The following COPS2 variants were observed in gnomAD, a reference collection of about 807,000 sequenced individuals.
COPS2 encodes the protein COP9 signalosome subunit 2, also known as COP9 signalosome complex subunit 2.
A neutral mutation model predicts 66.1 loss-of-function variants in COPS2; 10 were observed. The observed-to-expected ratio is 0.15, with a 90% CI of 0.09 to 0.26. The LOEUF (loss-of-function observed/expected upper bound fraction) is 0.26, where lower values mean the gene tolerates loss of function less well. Ranked by LOEUF, COPS2 falls within the 10% of genes least tolerant of loss-of-function variation. COPS2 has a pLI of 1.00. For missense variants in COPS2, 215 were observed against 513.3 expected (o/e 0.42, Z 5.62); for synonymous variants, 179 against 171.3 (o/e 1.04, Z -0.35).
rs1391201034 is a variant in COPS2, at chr15:49,139,601, C to T, written c.299G>A (p.Arg100Gln). Residue 100 changes from arginine (R) to glutamine (Q), a missense_variant, in exon 4 of 13, where the codon CGG (arginine) becomes CAG (glutamine). This residue lies in a region of COPS2 where 90 missense variants were observed against 225.1 expected (regional missense o/e 0.40). Coordinates refer to ENST00000388901, the MANE Select transcript of COPS2 (RefSeq NM_004236.4). Reference sequence around the variant, plus strand: ...AGAATAATTTCTTGTGACTGCACTCCGAATATAGGTCAATAGCTGCTTATA... The same window carrying T: ...AGAATAATTTCTTGTGACTGCACTCTGAATATAGGTCAATAGCTGCTTATA... ...NRYKQLLTYI[R>Q]SAVTRNYSEK... 2 of 1,601,548 alleles carry T rather than the reference C, an allele frequency of 1.2e-6. No individual in the cohort carries two copies. The highest frequency in any genetic ancestry group is 1.7e-5 in the Admixed American group (1 of 59,156).
intron 9 of COPS2, 147 bp from the exon 10 acceptor site, chr15:49,130,963 G>A (rs2084203754): frequency 4.4e-6 from 2 of 454,248 alleles, no homozygotes; most frequent in African/African-American, 2.0e-5. Context: ...AGTTAAACAA[G>A]CACACATAAC....
intron 4 of COPS2, chr15:49,139,144 T>C (rs1485420420): frequency 1.3e-5 from 2 of 159,164 alleles, no homozygotes; most frequent in Non-Finnish European, 2.7e-5. Flanking sequence ...TTCTCAAAGA[T>C]TTTAATATAA....
chr15:49,155,436 C>T lies in COPS2; in HGVS notation c.54+89G>A, dbSNP rs924875221. 3 of 1,211,000 alleles carry T rather than the reference C, an allele frequency of 2.5e-6. No homozygotes were observed. In the African/African-American group the frequency reaches 4.5e-5, roughly 18 times the overall value. 75.0% of individuals were successfully genotyped at this position (1,211,000 alleles called of 1,614,324 possible). A position where few individuals can be genotyped will look rare whatever the true frequency, so the allele number is the denominator to read the frequency against. On this transcript the variant is annotated intron_variant, in intron 1 of 12. Coordinates refer to ENST00000388901, the MANE Select transcript of COPS2 (RefSeq NM_004236.4). ...TGAGAGAGGCTGTAAACGGCACATGCTCTACGGGGAGAGGCCGCGGGCGCC... is the reference window on the plus strand; with the variant it reads ...TGAGAGAGGCTGTAAACGGCACATGTTCTACGGGGAGAGGCCGCGGGCGCC...
intron 10 of COPS2, 49 bp from the exon 11 acceptor site, chr15:49,129,608 T>TCCATAAAGATATCATACAA: frequency 1.1e-6 from 1 of 921,018 alleles, no homozygotes; most frequent in Non-Finnish European, 1.6e-6. Context: ...GTTTGTATGA[T>TCCATAAAGATATCATACAA]ATCTTTATGG....
At chr15:49,153,681 T>C (rs1282216204) in intron 1 of COPS2, among the ~76,000 whole-genome samples, 1 of 152,234 alleles carries the variant, frequency 6.6e-6, no homozygotes, top group African/African-American at 2.4e-5. Flanking sequence ...AAATGTGGTA[T>C]ATATACATAA....
rs1244460926 is a variant in COPS2 at position 49,145,169 on chromosome 15, A to C, written c.55-91T>G. On this transcript the variant is annotated intron_variant, in intron 1 of 12. Coordinates refer to ENST00000388901, the MANE Select transcript of COPS2 (RefSeq NM_004236.4). ...AAGTGAATGCTGTTAAGACAGAAAA[A>C]CCACATATTTTTACAAAACAAAACA... is the stretch of plus-strand genomic sequence containing the variant. 1.8e-5 allele frequency: 11 copies of C among 627,406 alleles called. No homozygotes were observed. The African/African-American group carries it at 1.9e-4, about 11-fold the overall frequency. 38.9% of individuals were successfully genotyped at this position (627,406 alleles called of 1,614,324 possible). A position where few individuals can be genotyped will look rare whatever the true frequency, so the allele number is the denominator to read the frequency against.
rs1417487906 is a variant in COPS2, at chr15:49,123,607, G to GAGCAA, written c.*4338_*4342dup. 6.6e-6 allele frequency: 1 copy of GAGCAA among 152,132 alleles called. No individual in the cohort carries two copies. The highest frequency in any genetic ancestry group is 1.5e-5 in the Non-Finnish European group (1 of 68,018). 9.4% of individuals were successfully genotyped at this position (152,132 alleles called of 1,614,324 possible). A position where few individuals can be genotyped will look rare whatever the true frequency, so the allele number is the denominator to read the frequency against. On this transcript the variant is annotated 3_prime_UTR_variant, in exon 13 of 13. Coordinates refer to ENST00000388901, the MANE Select transcript of COPS2 (RefSeq NM_004236.4). ...GGTCAGCTATTCATGTGGAAATTCT[G>GAGCAA]AGCAAAGTTCATAATTTTGCCAACA...
intron 9 of COPS2, among the ~76,000 whole-genome samples, chr15:49,132,664 G>T (rs1335947711): frequency 2.9e-5 from 4 of 140,166 alleles, no homozygotes; most frequent in Admixed American, 2.2e-4. Flanking sequence ...TAAAATAAAA[G>T]ACTTGAAGAA....
At chr15:49,152,048 G>A (rs2084365647) in intron 1 of COPS2, among the ~76,000 whole-genome samples, 1 of 151,404 alleles carries the variant, frequency 6.6e-6, no homozygotes, top group Non-Finnish European at 1.5e-5. Context: ...AATACTCACT[G>A]CTCTTAGTTA....
intron 3 of COPS2, among the ~76,000 whole-genome samples, chr15:49,140,563 A>G (rs2084283754): frequency 6.6e-6 from 1 of 152,170 alleles, no homozygotes; most frequent in African/African-American, 2.4e-5. Context: ...TATTTGTACT[A>G]TTGAGGTTGT....
At chr15:49,152,187 A>G (rs190148959) in intron 1 of COPS2, among the ~76,000 whole-genome samples, 2,787 of 151,670 alleles carry the variant, frequency 0.018, 43 homozygotes, top group Middle Eastern at 0.031. Flanking sequence ...AAAAAAAAAA[A>G]GAAAATCCCA....
chr15:49,133,095 TCTC>T (rs1205729550), intron 9 of COPS2, among the ~76,000 whole-genome samples: 1 of 151,812 alleles, frequency 6.6e-6, no homozygotes, highest in Non-Finnish European at 1.5e-5. Context: ...TTCATGCCAT[TCTC>T]CTGCCTCAGC....
chr15:49,146,415 A>G (rs1191067672), intron 1 of COPS2, among the ~76,000 whole-genome samples: 4 of 152,136 alleles, frequency 2.6e-5, no homozygotes, highest in African/African-American at 9.7e-5. Context: ...ATCAAGCTAA[A>G]AAAAAAGAGA....
At position 49,144,947 on chromosome 15, in the gene COPS2, A is replaced by C; in HGVS notation, c.168+18T>G. On this transcript the variant is annotated intron_variant, in intron 2 of 12. Coordinates refer to ENST00000388901, the MANE Select transcript of COPS2 (RefSeq NM_004236.4). The stretch of plus-strand genomic sequence containing the variant: ...TAAAAAAATTAACACATAGAATCAA[A>C]TGGAAAAGAATATAAACCTTTTGGA... 2.2e-6 allele frequency: 3 copies of C among 1,389,556 alleles called. No individual in the cohort carries two copies. Among genetic ancestry groups the C allele is most frequent in the Non-Finnish European group, 3.0e-6 (3 of 1,006,094 alleles). The allele number at this position is 1,389,556 out of a possible 1,614,324, so 86.1% of individuals were successfully genotyped here.
chr15:49,155,158 G>GA (rs1457573815), intron 1 of COPS2, among the ~76,000 whole-genome samples: 1 of 152,254 alleles, frequency 6.6e-6, no homozygotes, highest in Non-Finnish European at 1.5e-5. Context: ...CGCTGGGCCC[G>GA]AAAGGGCAAA....
intron 1 of COPS2, among the ~76,000 whole-genome samples, chr15:49,153,602 C>A (rs2084377472): frequency 6.6e-6 from 1 of 152,142 alleles, no homozygotes; most frequent in Admixed American, 6.6e-5. Context: ...ATGTTCATTG[C>A]AGCATTATTC....
Position 49,125,792 on chromosome 15 carries a change from T to G in COPS2, c.*2158A>C, listed in dbSNP as rs1476236261. On this transcript the variant is annotated 3_prime_UTR_variant, in exon 13 of 13. Transcript: ENST00000388901. ...TACAATAAATTATTATGGTATAACT[T>G]TGGATACTGTTATATATTTAGCCCA... 2 of 152,072 alleles carry G rather than the reference T, an allele frequency of 1.3e-5. No individual in the cohort carries two copies. Among genetic ancestry groups the G allele is most frequent in the African/African-American group, 2.4e-5 (1 of 41,446 alleles). The allele number at this position is 152,072 out of a possible 1,614,324, so 9.4% of individuals were successfully genotyped here.
Position 49,144,951 on chromosome 15 carries a change from A to G in COPS2, c.168+14T>C. The G allele has an allele frequency of 6.9e-7, 1 of 1,440,666 alleles. No individual in the cohort carries two copies. Among genetic ancestry groups the G allele is most frequent in the Non-Finnish European group, 9.5e-7 (1 of 1,051,312 alleles). 89.2% of individuals were successfully genotyped at this position (1,440,666 alleles called of 1,614,324 possible). A position where few individuals can be genotyped will look rare whatever the true frequency, so the allele number is the denominator to read the frequency against. On this transcript the variant is annotated intron_variant, in intron 2 of 12. Coordinates refer to ENST00000388901, the MANE Select transcript of COPS2 (RefSeq NM_004236.4). ...AAAATTAACACATAGAATCAAATGGAAAAGAATATAAACCTTTTGGAAACT... is the reference window on the plus strand; with the variant it reads ...AAAATTAACACATAGAATCAAATGGGAAAGAATATAAACCTTTTGGAAACT...
At chr15:49,151,587 T>C (rs1374600596) in intron 1 of COPS2, among the ~76,000 whole-genome samples, 1 of 152,082 alleles carries the variant, frequency 6.6e-6, no homozygotes, top group South Asian at 2.1e-4. Context: ...CTTACCAACT[T>C]AATGAATGGC....
Sources: allele counts gnomAD v4.1 joint callset (sites outside exome capture counted in the v4.1 genomes callset), GRCh38; gene constraint gnomAD v4.1.1; regional missense constraint gnomAD v4.1.1; transcripts MANE v1.5; gene names NCBI Gene and HGNC (gene_info 2026-07-23, HGNC 2026-07-21).